NADK: variants seen among roughly 807,000 people sequenced by gnomAD.
NADK encodes the protein NAD kinase.
NADK carries 22 observed loss-of-function variants against 49.8 expected under a neutral mutation model. The observed-to-expected ratio is 0.44, with a 90% CI of 0.32 to 0.63. NADK has a LOEUF of 0.63. NADK is among the 30% of genes least tolerant of loss of function. The probability of loss-of-function intolerance (pLI) is 0.06; values close to 1 mark genes in which losing one functional copy is unlikely to be tolerated. For missense variants in NADK, 438 were observed against 609.4 expected (o/e 0.72, Z 2.96); for synonymous variants, 268 against 253.7 (o/e 1.06, Z -0.54).
intron 1 of NADK, among the ~76,000 whole-genome samples, chr1:1,772,367 T>A (rs1283087095): frequency 2.0e-5 from 3 of 152,092 alleles, no homozygotes; most frequent in Non-Finnish European, 2.9e-5. Context: ...TTTTGCCATG[T>A]TGCCCAGGCT....
rs768296851 is a variant in NADK at position 1,757,161 on chromosome 1, T to G, written c.393+20A>C. On this transcript the variant is annotated intron_variant, in intron 4 of 11. Transcript: ENST00000341426. The stretch of plus-strand genomic sequence containing the variant: ...AACTCCATGTGCACCCCAGGCCCCC[T>G]TCCCCCCTGCCCCGCGTGCCTCCAT... The G allele has an allele frequency of 9.9e-5, 26 of 262,630 alleles. No homozygotes were observed. Among genetic ancestry groups the G allele is most frequent in the Non-Finnish European group, 1.5e-4 (24 of 164,966 alleles). 16.3% of individuals were successfully genotyped at this position (262,630 alleles called of 1,614,324 possible). A position where few individuals can be genotyped will look rare whatever the true frequency, so the allele number is the denominator to read the frequency against.
chr1:1,761,954 G>A lies in NADK; in HGVS notation c.261C>T (p.Ile87=). The stretch of plus-strand genomic sequence containing the variant: ...CGTCCTGGGGCCCCAGCACTCACAT[G>A]ATGGTCTGGGGGTTCTGCAGCACAC... ...KACVLQNPQT[I]MHIQDPASQR... The change falls in exon 3 of 12, where the codon ATC becomes ATT. Residue 87 remains isoleucine, a splice_region_variant and synonymous_variant. Transcript: ENST00000341426. 2.5e-6 allele frequency: 4 copies of A among 1,613,962 alleles called. No individual in the cohort carries two copies. Among genetic ancestry groups the A allele is most frequent in the Non-Finnish European group, 3.4e-6 (4 of 1,179,894 alleles).
intron 6 of NADK, chr1:1,756,004 C>T: frequency 1.7e-6 from 1 of 578,216 alleles, no homozygotes; most frequent in East Asian, 2.9e-5. Flanking sequence ...TTTCCCAGGA[C>T]CCACCACCCT....
Position 1,754,181 on chromosome 1 carries a change from C to T in NADK, c.971G>A (p.Ser324Asn). 6.2e-7 allele frequency: 1 copy of T among 1,612,574 alleles called. No homozygotes were observed. Among genetic ancestry groups the T allele is most frequent in the Non-Finnish European group, 8.5e-7 (1 of 1,179,788 alleles). Residue 324 changes from serine to asparagine, a missense_variant, in exon 10 of 12, where the codon AGC (serine) becomes AAC (asparagine). Ser to Asn is a conservative substitution (Grantham distance 46). Transcript: ENST00000341426. The surrounding 1 kb of genome is among the most constrained non-coding windows in gnomAD (Gnocchi z 4.3). The part of the protein sequence containing the change: ...DGVIVSTPTG[S>N]TAYAAAAGAS... ...CCCGGCCGCGGCCGCATACGCCGTG[C>T]TGCCCGTCGGGGTGGACACGATCAC...
intron 1 of NADK, among the ~76,000 whole-genome samples, chr1:1,771,073 T>C (rs556699568): frequency 0.046 from 6,608 of 144,370 alleles, 208 homozygotes; most frequent in Non-Finnish European, 0.071. Context: ...TATATATATA[T>C]ATACACACAC....
intron 1 of NADK, among the ~76,000 whole-genome samples, chr1:1,772,301 TACAAGCATGC>T (rs1476927340): frequency 6.6e-6 from 1 of 152,080 alleles, no homozygotes; most frequent in Non-Finnish European, 1.5e-5. Flanking sequence ...TACCAGGGAC[TACAAGCATGC>T]ACCACCATGC....
chr1:1,753,190 G>A (rs1183880490), intron 11 of NADK, 130 bp from the exon 12 acceptor site: 17 of 1,191,996 alleles, frequency 1.4e-5, no homozygotes, highest in East Asian at 1.0e-4. Flanking sequence ...GCCCCTCCCC[G>A]AGGCAGGCTT....
At chr1:1,756,967 C>T (rs1254156639) in intron 4 of NADK, 14 of 875,282 alleles carry the variant, frequency 1.6e-5, no homozygotes, top group Admixed American at 3.8e-5. Flanking sequence ...CACGAGCCCA[C>T]CAGCTCATTG....
intron 1 of NADK, among the ~76,000 whole-genome samples, chr1:1,774,602 C>A (rs1646155047): frequency 6.6e-6 from 1 of 152,022 alleles, no homozygotes; most frequent in Non-Finnish European, 1.5e-5. Context: ...GGCGTGGCCA[C>A]TGCGCGCGGC....
chr1:1,754,314 C>T lies in NADK; in HGVS notation c.913G>A (p.Gly305Arg), dbSNP rs1429497327. 3.7e-6 allele frequency: 6 copies of T among 1,613,870 alleles called. No homozygotes were observed. The highest frequency in any genetic ancestry group is 4.2e-6 in the Non-Finnish European group (5 of 1,179,954). ...CCCTGCACCGTGGTGATGAGGTGTC[C>T]GTCCAGGTAGACATCCACATTGGAC... Reference protein sequence around the residue: ...YLSNVDVYLDGHLITTVQGDG... With the variant: ...YLSNVDVYLDRHLITTVQGDG... Residue 305 changes from glycine (G) to arginine (R), a missense_variant, in exon 9 of 12, where the codon GGA becomes AGA. Coordinates refer to ENST00000341426, the MANE Select transcript of NADK (RefSeq NM_023018.5). This position sits in a 1 kb window ranked among gnomAD's most constrained non-coding sequence, Gnocchi z 4.3.
At chr1:1,753,469 G>T in intron 11 of NADK, 98 bp downstream of exon 11, 1 of 963,224 alleles carries the variant, frequency 1.0e-6, no homozygotes, top group Non-Finnish European at 1.6e-6. Context: ...TGCCCTAGGG[G>T]ACAAGCTGTG....
intron 3 of NADK, chr1:1,758,736 A>G (rs1645615297): frequency 7.0e-6 from 6 of 853,366 alleles, no homozygotes; most frequent in Non-Finnish European, 8.5e-6. Context: ...CCCTTCTGAA[A>G]AAAAGTCCTC....
intron 3 of NADK, among the ~76,000 whole-genome samples, chr1:1,760,397 C>T (rs1490295404): frequency 2.0e-5 from 3 of 152,240 alleles, no homozygotes; most frequent in African/African-American, 7.2e-5. Flanking sequence ...GGGGCCCACA[C>T]TTTGCAGAGC....
chr1:1,778,492 A>C (rs1646282606), upstream of NADK: 1 of 148,850 alleles, frequency 6.7e-6, no homozygotes, highest in African/African-American at 2.4e-5. The surrounding 1 kb of genome is among the most constrained non-coding windows in gnomAD (Gnocchi z 4.9). Context: ...CCCGCCACGC[A>C]TGCGCGCTGC....
chr1:1,768,398 A>G (rs1032754091), intron 1 of NADK, among the ~76,000 whole-genome samples: 16 of 152,080 alleles, frequency 1.1e-4, no homozygotes, highest in African/African-American at 3.6e-4. Flanking sequence ...AAACAAAACC[A>G]AAACAAAAAC....
intron 3 of NADK, chr1:1,758,360 C>T (rs781684786): frequency 1.2e-6 from 2 of 1,607,366 alleles, no homozygotes; most frequent in African/African-American, 1.3e-5. Context: ...CTGGTCAGCA[C>T]TCACCCTGTG....
intron 1 of NADK, among the ~76,000 whole-genome samples, chr1:1,767,898 C>T (rs1020020091): frequency 2.0e-5 from 3 of 152,078 alleles, no homozygotes; most frequent in Admixed American, 6.6e-5. Flanking sequence ...GTTAAATGGG[C>T]GCGGTGGCAC....
intron 3 of NADK, among the ~76,000 whole-genome samples, chr1:1,760,543 C>T (rs1310895293): frequency 2.6e-5 from 4 of 152,152 alleles, no homozygotes; most frequent in South Asian, 2.1e-4. Flanking sequence ...ATGCAGTGGC[C>T]GCCCCCGTAT....
At chr1:1,758,532 C>T (rs774126543) in intron 3 of NADK, 18 of 1,605,178 alleles carry the variant, frequency 1.1e-5, no homozygotes, top group African/African-American at 9.4e-5. Context: ...GCCGCCCCAT[C>T]GGTATGGTCC....
Sources: gnomAD v4.1 joint callset for allele counts (sites outside exome capture counted in the v4.1 genomes callset) on GRCh38, gnomAD v4.1.1 for gene constraint, Gnocchi (gnomAD v3.1) non-coding constraint, MANE v1.5 for transcripts, NCBI Gene and HGNC (gene_info 2026-07-23, HGNC 2026-07-21) for gene names.